Variants in JAZF1 observed in about 807,000 individuals in gnomAD.
The protein encoded by JAZF1 is juxtaposed with another zinc finger protein 1.
JAZF1 carries 8 observed loss-of-function variants against 26.4 expected under a neutral mutation model. The ratio of observed to expected loss-of-function variants is 0.30; its 90% confidence interval spans 0.18 to 0.55. JAZF1 has a LOEUF of 0.55. Ranked by LOEUF, JAZF1 falls within the 20% of genes least tolerant of loss-of-function variation. The probability of loss-of-function intolerance (pLI) is 0.94; values close to 1 mark genes in which losing one functional copy is unlikely to be tolerated. For synonymous variants in JAZF1, 126 were observed against 122.3 expected (o/e 1.03, Z -0.20); for missense variants, 199 against 322.0 (o/e 0.62, Z 2.92).
At chr7:27,869,122 A>C (rs1187386624) in intron 3 of JAZF1, among the ~76,000 whole-genome samples, 1 of 152,236 alleles carries the variant, frequency 6.6e-6, no homozygotes, top group Non-Finnish European at 1.5e-5. Flanking sequence ...GATGCCACAT[A>C]AACACCACAT....
chr7:28,128,511 G>A (rs1044310864), intron 1 of JAZF1, among the ~76,000 whole-genome samples: 15 of 152,058 alleles, frequency 9.9e-5, no homozygotes, highest in African/African-American at 7.2e-5. Flanking sequence ...AACAGAGTCC[G>A]TCTAAAAAAT....
chr7:28,152,401 G>A (rs1401680331), intron 1 of JAZF1, among the ~76,000 whole-genome samples: 1 of 152,086 alleles, frequency 6.6e-6, no homozygotes, highest in Admixed American at 6.5e-5. Flanking sequence ...CCCTGGCCAG[G>A]GTATAAGTAA....
Position 28,141,455 on chromosome 7 carries a change from G to C in JAZF1, c.115+39008C>G, listed in dbSNP as rs184060366. ...CCAGGCCAGTTTTCTTGGTTAAAAA[G>C]GTGCAGTTAGAATATGTTGAGTTAA... On this transcript the variant is annotated intron_variant, in intron 1 of 4. Coordinates refer to ENST00000283928, the MANE Select transcript of JAZF1 (RefSeq NM_175061.4). Among the ~76,000 whole-genome samples the C allele has an allele frequency of 3.5e-3, 535 of 152,226 alleles. 3 individuals are homozygous for C. The highest frequency in any genetic ancestry group is 0.015 in the South Asian group (73 of 4,818).
chr7:28,173,594 A>G (rs1583598939), intron 1 of JAZF1, among the ~76,000 whole-genome samples: 1 of 152,146 alleles, frequency 6.6e-6, no homozygotes, highest in South Asian at 2.1e-4. Flanking sequence ...AGTGTTATTA[A>G]CCTGGCATCC....
chr7:27,836,209 T>C (rs1038272114), intron 4 of JAZF1, among the ~76,000 whole-genome samples: 5 of 152,140 alleles, frequency 3.3e-5, no homozygotes, highest in Non-Finnish European at 5.9e-5. Flanking sequence ...ATTGGGATAA[T>C]AGTCTGGAGA....
chr7:27,878,026 T>C (rs1783710148), intron 3 of JAZF1, among the ~76,000 whole-genome samples: 1 of 152,246 alleles, frequency 6.6e-6, no homozygotes, highest in African/African-American at 2.4e-5. Flanking sequence ...ATGGACTCTG[T>C]ATGCATTCTG....
At chr7:27,910,423 T>G (rs941907168) in intron 2 of JAZF1, among the ~76,000 whole-genome samples, 4 of 152,172 alleles carry the variant, frequency 2.6e-5, no homozygotes, top group African/African-American at 9.7e-5. Context: ...GCTAATGAAG[T>G]ATTTCTTGGA....
At chr7:28,047,652 T>G (rs1020373496) in intron 1 of JAZF1, among the ~76,000 whole-genome samples, 17 of 152,180 alleles carry the variant, frequency 1.1e-4, no homozygotes, top group African/African-American at 4.1e-4. Flanking sequence ...ATTCATTTTC[T>G]TCAACTTTAT....
intron 2 of JAZF1, among the ~76,000 whole-genome samples, chr7:27,906,812 T>TATTTCTTACACATGGTTTTCATTGCTA (rs1396781537): frequency 6.6e-6 from 1 of 152,248 alleles, no homozygotes; most frequent in African/African-American, 2.4e-5. Context: ...TAACTATGGC[T>TATTTCTTACACATGGTTTTCATTGCTA]ATTTCTTACA....
At chr7:28,149,749 T>C (rs1439910256) in intron 1 of JAZF1, among the ~76,000 whole-genome samples, 2 of 152,248 alleles carry the variant, frequency 1.3e-5, no homozygotes, top group East Asian at 3.8e-4. Flanking sequence ...ATGTATCTGC[T>C]GAAACATGGG....
intron 1 of JAZF1, among the ~76,000 whole-genome samples, chr7:27,997,983 C>A (rs1786051308): frequency 2.2e-5 from 3 of 136,238 alleles, no homozygotes; most frequent in African/African-American, 8.4e-5. Flanking sequence ...ATGGGGAGGG[C>A]AGGACAGAAA....
At chr7:28,078,226 G>A (rs1207101889) in intron 1 of JAZF1, among the ~76,000 whole-genome samples, 1 of 152,192 alleles carries the variant, frequency 6.6e-6, no homozygotes, top group African/African-American at 2.4e-5. Flanking sequence ...ATAGTGGCAA[G>A]AGACTTGGAT....
Position 28,018,565 on chromosome 7 carries a change from C to T in JAZF1, c.116-26584G>A, listed in dbSNP as rs571052431. Among the ~76,000 whole-genome samples, 14 of 152,262 alleles carry T rather than the reference C, an allele frequency of 9.2e-5. No homozygotes were observed. In the East Asian group the frequency reaches 9.7e-4, roughly 11 times the overall value. On this transcript the variant is annotated intron_variant, in intron 1 of 4. Transcript: ENST00000283928. The stretch of plus-strand genomic sequence containing the variant: ...CCCCATTTCACTCTCCAAAGTGTTG[C>T]AGATTAAGGGAAAAATTATACAGTC...
intron 1 of JAZF1, among the ~76,000 whole-genome samples, chr7:28,180,146 G>T (rs1583602721): frequency 1.0e-5 from 1 of 99,756 alleles, no homozygotes; most frequent in Non-Finnish European, 1.9e-5. Flanking sequence ...CCCCGCCGCC[G>T]CAACCCCGCC....
chr7:27,849,176 G>A (rs1474367555), intron 3 of JAZF1, among the ~76,000 whole-genome samples: 1 of 152,210 alleles, frequency 6.6e-6, no homozygotes, highest in African/African-American at 2.4e-5. Context: ...CAAGGCCCTG[G>A]AGACGGGCTG....
chr7:27,877,496 A>G (rs1208069171), intron 3 of JAZF1, among the ~76,000 whole-genome samples: 4 of 152,148 alleles, frequency 2.6e-5, no homozygotes, highest in Admixed American at 2.6e-4. Flanking sequence ...GGGCCAATAG[A>G]GGTAGGTGGT....
At chr7:27,877,086 C>T (rs139371671) in intron 3 of JAZF1, among the ~76,000 whole-genome samples, 3 of 152,218 alleles carry the variant, frequency 2.0e-5, no homozygotes, top group Non-Finnish European at 2.9e-5. Flanking sequence ...GGGCGCTAGA[C>T]TTTGGCAGAG....
At chr7:27,965,342 T>A (rs1398833396) in intron 2 of JAZF1, among the ~76,000 whole-genome samples, 1 of 152,190 alleles carries the variant, frequency 6.6e-6, no homozygotes, top group African/African-American at 2.4e-5. Context: ...TAAAAGAAGA[T>A]CTGAACATGT....
intron 3 of JAZF1, among the ~76,000 whole-genome samples, chr7:27,870,271 T>TG (rs1783558188): frequency 1.3e-5 from 2 of 151,920 alleles, no homozygotes; most frequent in African/African-American, 4.8e-5. Context: ...CCTGGGGTCT[T>TG]GGAGGAGGTA....
Sources: allele counts gnomAD v4.1 joint callset (sites outside exome capture counted in the v4.1 genomes callset), GRCh38; gene constraint gnomAD v4.1.1; transcripts MANE v1.5; gene names NCBI Gene and HGNC (gene_info 2026-07-23, HGNC 2026-07-21).